The following LYPD6 variants were observed in gnomAD, a reference collection of about 807,000 sequenced individuals.
LYPD6 encodes ly6/PLAUR domain-containing protein 6.
Under a neutral mutation model 22.7 loss-of-function variants are expected in LYPD6, and 15 were observed. That is an observed-to-expected ratio of 0.66 (90% CI 0.44 to 1.02). The LOEUF is 1.02. LYPD6 is among the 50% of genes least tolerant of loss of function. LYPD6 has a pLI of 0.00. For missense variants in LYPD6, 189 were observed against 208.4 expected, an observed-to-expected ratio of 0.91 and a Z score of 0.57; for synonymous variants, 72 against 77.5, an observed-to-expected ratio of 0.93 and a Z score of 0.37.
At chr2:149,348,061 CA>C (rs58228847) in intron 1 of LYPD6, among the ~76,000 whole-genome samples, 13,716 of 76,414 alleles carry the variant, frequency 0.18, 467 homozygotes, top group East Asian at 0.43. Context: ...ACTAAAAATA[CA>C]AAAAAAAAAA....
chr2:149,461,508 A>G (rs1356496708), intron 3 of LYPD6, among the ~76,000 whole-genome samples: 1 of 152,000 alleles, frequency 6.6e-6, no homozygotes, highest in Non-Finnish European at 1.5e-5. Flanking sequence ...AGAAAATGGA[A>G]GAGAAGGGGG....
At chr2:149,364,400 A>G (rs899209770) in intron 1 of LYPD6, among the ~76,000 whole-genome samples, 1 of 152,166 alleles carries the variant, frequency 6.6e-6, no homozygotes, top group African/African-American at 2.4e-5. Flanking sequence ...ACCTGAATTC[A>G]TTGGCAAATT....
intron 1 of LYPD6, among the ~76,000 whole-genome samples, chr2:149,354,267 T>C (rs1681410584): frequency 6.6e-6 from 1 of 152,084 alleles, no homozygotes; most frequent in Admixed American, 6.5e-5. Context: ...GAGTGCAGTG[T>C]CACGATCTCA....
At chr2:149,449,510 A>G (rs888685022) in intron 3 of LYPD6, among the ~76,000 whole-genome samples, 7 of 152,240 alleles carry the variant, frequency 4.6e-5, no homozygotes, top group Admixed American at 4.6e-4. Flanking sequence ...TGATGTTCAT[A>G]TAAAGATTCC....
intron 1 of LYPD6, among the ~76,000 whole-genome samples, chr2:149,419,432 G>A (rs1417714490): frequency 2.0e-5 from 3 of 152,154 alleles, no homozygotes; most frequent in Non-Finnish European, 4.4e-5. Context: ...CTACTGTCCA[G>A]TACTGTAGCC....
At chr2:149,443,930 C>CTTTT (rs766245738) in intron 2 of LYPD6, among the ~76,000 whole-genome samples, 13 of 114,076 alleles carry the variant, frequency 1.1e-4, no homozygotes, top group East Asian at 2.5e-4. Flanking sequence ...ATGTGCATAT[C>CTTTT]TTTTTTTTTT....
At chr2:149,366,510 G>A (rs1657254378) in intron 1 of LYPD6, among the ~76,000 whole-genome samples, 1 of 152,126 alleles carries the variant, frequency 6.6e-6, no homozygotes, top group Non-Finnish European at 1.5e-5. Context: ...GGTGATTTGG[G>A]AGAATGCCAG....
At chr2:149,392,585 A>G (rs563675457) in intron 1 of LYPD6, among the ~76,000 whole-genome samples, 16 of 152,316 alleles carry the variant, frequency 1.1e-4, no homozygotes, top group African/African-American at 3.8e-4. Context: ...CCCCATTGCC[A>G]TAAGCAGAAT....
chr2:149,447,547 A>T (rs908385110), intron 2 of LYPD6, among the ~76,000 whole-genome samples: 4 of 152,206 alleles, frequency 2.6e-5, no homozygotes, highest in Admixed American at 1.3e-4. Context: ...CATGGGCAGC[A>T]TATATTTTAG....
intron 1 of LYPD6, among the ~76,000 whole-genome samples, chr2:149,415,560 G>A (rs1216216086): frequency 2.0e-5 from 3 of 152,092 alleles, no homozygotes; most frequent in Admixed American, 6.5e-5. Flanking sequence ...GGCTTGGAGA[G>A]CTATCAGACT....
chr2:149,470,602 G>C, intron 4 of LYPD6, 81 bp from the exon 5 acceptor site: 2 of 1,239,528 alleles, frequency 1.6e-6, no homozygotes, highest in Non-Finnish European at 2.3e-6. Flanking sequence ...CTTGCCATGT[G>C]GGCGACAGTG....
chr2:149,453,884 GTC>G (rs1384177745), intron 3 of LYPD6, among the ~76,000 whole-genome samples: 3 of 152,046 alleles, frequency 2.0e-5, no homozygotes, highest in Non-Finnish European at 4.4e-5. Flanking sequence ...AGTCTCTGTT[GTC>G]TCTCTGAATC....
intron 1 of LYPD6, among the ~76,000 whole-genome samples, chr2:149,399,470 A>G (rs915560626): frequency 1.3e-5 from 2 of 151,990 alleles, no homozygotes; most frequent in African/African-American, 2.4e-5. Context: ...TAGTAATCCT[A>G]TGGATTTCAC....
intron 1 of LYPD6, among the ~76,000 whole-genome samples, chr2:149,378,338 G>A (rs540167883): frequency 8.6e-5 from 13 of 152,018 alleles, no homozygotes; most frequent in Non-Finnish European, 1.3e-4. Flanking sequence ...GGCTGGTTTC[G>A]AACTCCTTGG....
intron 1 of LYPD6, among the ~76,000 whole-genome samples, chr2:149,419,306 T>C (rs1212370233): frequency 6.6e-6 from 1 of 152,190 alleles, no homozygotes; most frequent in Non-Finnish European, 1.5e-5. Flanking sequence ...TAATTAACGT[T>C]GATGTGTTGG....
the LYPD6 span, among the ~76,000 whole-genome samples, chr2:149,482,865 C>G: frequency 1.3e-5 from 2 of 152,112 alleles, no homozygotes; most frequent in African/African-American, 4.8e-5. Flanking sequence ...GACCAGGGCT[C>G]CAAGGATCAA....
At chr2:149,421,822 C>G (rs894570925) in intron 1 of LYPD6, among the ~76,000 whole-genome samples, 1 of 152,120 alleles carries the variant, frequency 6.6e-6, no homozygotes, top group Non-Finnish European at 1.5e-5. Context: ...GAGGTTCTGT[C>G]TGTGAAACCG....
chr2:149,420,856 A>G (rs1683062313), intron 1 of LYPD6, among the ~76,000 whole-genome samples: 1 of 152,146 alleles, frequency 6.6e-6, no homozygotes, highest in Non-Finnish European at 1.5e-5. Flanking sequence ...CCTGTGGAAT[A>G]ACAGAATACA....
chr2:149,479,428 C>T, the LYPD6 span, among the ~76,000 whole-genome samples: 4 of 152,226 alleles, frequency 2.6e-5, no homozygotes, highest in African/African-American at 9.6e-5. Context: ...GAATGCTCTC[C>T]CCAAATTATC....
Sources: allele counts gnomAD v4.1 joint callset (sites outside exome capture counted in the v4.1 genomes callset), GRCh38; gene constraint gnomAD v4.1.1; transcripts MANE v1.5; gene names NCBI Gene and HGNC (gene_info 2026-07-23, HGNC 2026-07-21).